STK10: variants seen among roughly 807,000 people sequenced by gnomAD.
STK10 encodes the protein serine/threonine-protein kinase 10.
A neutral mutation model predicts 113.8 loss-of-function variants in STK10; 78 were observed. That is an observed-to-expected ratio of 0.69 (90% CI 0.57 to 0.83). STK10 has a LOEUF of 0.83. Ranked by LOEUF, STK10 falls within the 40% of genes least tolerant of loss-of-function variation. The pLI, the probability that STK10 is intolerant of heterozygous loss-of-function variation, is 0.00. For synonymous variants in STK10, 465 were observed against 494.7 expected, an observed-to-expected ratio of 0.94 and a Z score of 0.80; for missense variants, 1,109 against 1,280.1, an observed-to-expected ratio of 0.87 and a Z score of 2.04.
At chr5:172,129,492 G>A (rs959695082) in intron 2 of STK10, among the ~76,000 whole-genome samples, 4 of 152,220 alleles carry the variant, frequency 2.6e-5, no homozygotes, top group Non-Finnish European at 5.9e-5. Context: ...AAAGTCATCA[G>A]AAATGGATCC....
At chr5:172,164,615 A>C (rs1770530966) in intron 1 of STK10, among the ~76,000 whole-genome samples, 3 of 152,184 alleles carry the variant, frequency 2.0e-5, no homozygotes, top group Admixed American at 6.5e-5. Flanking sequence ...TATATTCTGC[A>C]AAAGTCTCAT....
chr5:172,125,694 A>G (rs1229942879), intron 3 of STK10, among the ~76,000 whole-genome samples: 1 of 152,204 alleles, frequency 6.6e-6, no homozygotes, highest in African/African-American at 2.4e-5. Context: ...CAATCTGCTC[A>G]TAATTGTTAC....
At chr5:172,123,738 T>G (rs1162345990) in intron 3 of STK10, among the ~76,000 whole-genome samples, 1 of 152,098 alleles carries the variant, frequency 6.6e-6, no homozygotes, top group Non-Finnish European at 1.5e-5. Context: ...AAAAGAGTCT[T>G]CAGTGTGGGA....
chr5:172,104,235 C>A lies in STK10; in HGVS notation c.870+1421G>T, dbSNP rs80244587. Among the ~76,000 whole-genome samples the A allele has an allele frequency of 0.01, 1,584 of 152,348 alleles. 68 individuals are homozygous for A. The East Asian group carries it at 0.13, about 12-fold the overall frequency. On this transcript the variant is annotated intron_variant, in intron 7 of 18. Coordinates refer to ENST00000176763, the MANE Select transcript of STK10 (RefSeq NM_005990.4). ...GTGAAAGGGCAGCCCTGTTGCATCA[C>A]CCAGGCCCATTCCTCCCCCTCTTCC...
chr5:172,126,205 C>T (rs1769615394), intron 3 of STK10, among the ~76,000 whole-genome samples: 1 of 152,156 alleles, frequency 6.6e-6, no homozygotes, highest in South Asian at 2.1e-4. Context: ...TGGTTAGGAG[C>T]GGGTCACCCA....
At chr5:172,071,286 A>T (rs868348016) in intron 12 of STK10, among the ~76,000 whole-genome samples, 2 of 109,346 alleles carry the variant, frequency 1.8e-5, no homozygotes, top group African/African-American at 3.6e-5. Flanking sequence ...TGAAAAGTTT[A>T]AAAAAAAAAA....
rs1489791581 is a variant in STK10, at chr5:172,137,618, C to T, written c.322-10197G>A. ...ATATTGGGCCAGGCGCAGTGGCTCA[C>T]GCCTGTAATCTCAGCACTTTGGGAG... On this transcript the variant is annotated intron_variant, in intron 2 of 18. Coordinates refer to ENST00000176763, the MANE Select transcript of STK10 (RefSeq NM_005990.4). Among the ~76,000 whole-genome samples, 7 of 151,564 alleles carry T rather than the reference C, an allele frequency of 4.6e-5. No homozygotes were observed. The East Asian group carries it at 7.7e-4, about 17-fold the overall frequency.
chr5:172,078,947 C>CCACACACACACACACA (rs57963957), intron 12 of STK10, among the ~76,000 whole-genome samples: 23 of 144,730 alleles, frequency 1.6e-4, no homozygotes, highest in African/African-American at 5.8e-4. Flanking sequence ...TCTTATAAGT[C>CCACACACACACACACA]CACACACACA....
At chr5:172,054,914 C>T (rs1305077411) in intron 16 of STK10, among the ~76,000 whole-genome samples, 5 of 152,150 alleles carry the variant, frequency 3.3e-5, no homozygotes, top group Admixed American at 1.3e-4. Context: ...GGGGACATGA[C>T]ACTGCAATGT....
intron 17 of STK10, chr5:172,053,245 A>G (rs1011527521): frequency 5.4e-6 from 3 of 554,450 alleles, no homozygotes; most frequent in Non-Finnish European, 9.7e-6. Flanking sequence ...GAATATGTTA[A>G]TAGTTCTTAT....
intron 7 of STK10, among the ~76,000 whole-genome samples, chr5:172,101,462 T>A (rs369788214): frequency 2.6e-3 from 349 of 135,374 alleles, no homozygotes; most frequent in African/African-American, 8.0e-3. Flanking sequence ...AGAGCGAGAC[T>A]CCGTCTCCAA....
At chr5:172,146,911 C>A (rs1002694320) in intron 2 of STK10, among the ~76,000 whole-genome samples, 1 of 152,180 alleles carries the variant, frequency 6.6e-6, no homozygotes, top group Non-Finnish European at 1.5e-5. Context: ...CACTATCTAC[C>A]GGGAGACAGC....
intron 5 of STK10, 68 bp downstream of exon 5, chr5:172,107,712 C>T (rs1042626769): frequency 8.1e-5 from 116 of 1,426,640 alleles, no homozygotes; most frequent in South Asian, 1.1e-4. Context: ...CTGTCTAAAG[C>T]GCCTGGTGGT....
At chr5:172,129,355 A>T (rs1769698697) in intron 2 of STK10, among the ~76,000 whole-genome samples, 1 of 151,802 alleles carries the variant, frequency 6.6e-6, no homozygotes, top group East Asian at 1.9e-4. Context: ...CTTCCACACC[A>T]CTCCCTGCTG....
At chr5:172,109,177 C>T (rs1410199602) in intron 4 of STK10, among the ~76,000 whole-genome samples, 1 of 152,114 alleles carries the variant, frequency 6.6e-6, no homozygotes, top group African/African-American at 2.4e-5. Flanking sequence ...TCATGCCCCT[C>T]TCACTCCAAA....
At chr5:172,159,721 G>A (rs1372158116) in intron 1 of STK10, among the ~76,000 whole-genome samples, 1 of 152,086 alleles carries the variant, frequency 6.6e-6, no homozygotes, top group Non-Finnish European at 1.5e-5. Flanking sequence ...TACTCAGGAG[G>A]CTGAGGCACA....
intron 2 of STK10, among the ~76,000 whole-genome samples, chr5:172,148,259 ACT>A (rs1303843755): frequency 1.3e-5 from 2 of 151,786 alleles, no homozygotes; most frequent in African/African-American, 4.8e-5. Flanking sequence ...TTCCAATCCC[ACT>A]CTGTGCATGA....
At chr5:172,175,006 TA>T (rs1425609035) in intron 1 of STK10, among the ~76,000 whole-genome samples, 1 of 152,182 alleles carries the variant, frequency 6.6e-6, no homozygotes, top group Non-Finnish European at 1.5e-5. Flanking sequence ...TTTTTCTTGT[TA>T]TTGTTGTTTT....
intron 2 of STK10, among the ~76,000 whole-genome samples, chr5:172,138,595 A>G (rs1769916127): frequency 1.3e-5 from 2 of 152,232 alleles, no homozygotes; most frequent in Non-Finnish European, 2.9e-5. Context: ...TCAATTTACA[A>G]CAGCATCAAA....
Sources: allele counts gnomAD v4.1 joint callset (sites outside exome capture counted in the v4.1 genomes callset), GRCh38; gene constraint gnomAD v4.1.1; transcripts MANE v1.5; gene names NCBI Gene and HGNC (gene_info 2026-07-23, HGNC 2026-07-21).